CCDC186: variants seen among roughly 807,000 people sequenced by gnomAD.
The protein encoded by CCDC186 is coiled-coil domain-containing protein 186.
In CCDC186, 49 loss-of-function variants were observed where a neutral mutation model predicts 113.7. The observed-to-expected ratio is 0.43, with a 90% CI of 0.34 to 0.55. CCDC186 has a LOEUF of 0.55. Ranked by LOEUF, CCDC186 falls within the 20% of genes least tolerant of loss-of-function variation. CCDC186 has a pLI of 0.02. For missense variants in CCDC186, 890 were observed against 1,011.1 expected, an observed-to-expected ratio of 0.88 and a Z score of 1.62; for synonymous variants, 355 against 345.8, an observed-to-expected ratio of 1.03 and a Z score of -0.30.
chr10:114,168,527 C>T (rs972103186), intron 1 of CCDC186, among the ~76,000 whole-genome samples: 1 of 152,112 alleles, frequency 6.6e-6, no homozygotes, highest in African/African-American at 2.4e-5. Context: ...ATTTTTCAGA[C>T]CCTGCATTTT....
Position 114,162,791 on chromosome 10 carries a change from C to G in CCDC186, c.478G>C (p.Glu160Gln). 1 of 1,613,930 alleles carries G rather than the reference C, an allele frequency of 6.2e-7. No individual in the cohort carries two copies. The highest frequency in any genetic ancestry group is 1.7e-5 in the Admixed American group (1 of 60,002). Residue 160 changes from glutamate (E) to glutamine (Q), a missense_variant, in exon 2 of 16, where the codon GAG becomes CAG. Glu to Gln is a conservative substitution (Grantham distance 29). Transcript: ENST00000369287. The part of the protein sequence containing the change: ...ISKIKSVSAS[E>Q]DLLEEIESEL... ...GATTCTATTTCTTCCAACAAATCCT[C>G]TGATGCTGAAACGCTCTTTATTTTT...
chr10:114,134,064 A>G (rs143502551), intron 10 of CCDC186, among the ~76,000 whole-genome samples: 62 of 152,328 alleles, frequency 4.1e-4, no homozygotes, highest in African/African-American at 1.4e-3. Context: ...GATTCAGAGG[A>G]GTTTCTTCCA....
intron 4 of CCDC186, among the ~76,000 whole-genome samples, chr10:114,149,786 C>CAGGAAGGA (rs879496767): frequency 7.9e-4 from 38 of 48,130 alleles, no homozygotes; most frequent in Admixed American, 1.3e-3. Flanking sequence ...GGCAGGAAGG[C>CAGGAAGGA]AGGAAGGAAG....
chr10:114,170,528 G>A (rs908940265), intron 1 of CCDC186, among the ~76,000 whole-genome samples: 1 of 151,470 alleles, frequency 6.6e-6, no homozygotes, highest in African/African-American at 2.4e-5. Flanking sequence ...TTGCTATGTT[G>A]CCCAGGGTGA....
rs1482059281 is a variant in CCDC186 at position 114,174,072 on chromosome 10, G to A, written c.-119C>T. ...CAAGGCTGCTGGAGCTCTGGCTCAG[G>A]GGCCAACTTTTCCATAGCGGGGTCC... On this transcript the variant is annotated 5_prime_UTR_variant, in exon 1 of 16. Transcript: ENST00000369287. 4 of 472,152 alleles carry A rather than the reference G, an allele frequency of 8.5e-6. No homozygotes were observed. Among genetic ancestry groups the A allele is most frequent in the Non-Finnish European group, 1.8e-5 (4 of 227,056 alleles). The allele number at this position is 472,152 out of a possible 1,614,324, so 29.2% of individuals were successfully genotyped here.
At chr10:114,154,762 C>A (rs185700012) in intron 3 of CCDC186, among the ~76,000 whole-genome samples, 7 of 152,290 alleles carry the variant, frequency 4.6e-5, no homozygotes, top group South Asian at 4.1e-4. Flanking sequence ...AAAACTAGCA[C>A]GTGAATGTTC....
rs765950546 is a variant in CCDC186, at chr10:114,162,667, T to G, written c.602A>C (p.Lys201Thr). Residue 201 changes from lysine (K) to threonine (T), a missense_variant, in exon 2 of 16, where the codon AAA becomes ACA. Physicochemically the swap from Lys to Thr is moderately conservative, Grantham distance 78 (BLOSUM62 -1). Transcript: ENST00000369287. ...LVLFEKCVQD[K>T]YLQQEHIIKK... ...TATGATATGTTCCTGCTGCAAATAT[T>G]TATCTTGCACACACTTTTCAAACAG... 3.2e-5 allele frequency: 50 copies of G among 1,581,786 alleles called. No homozygotes were observed. Among genetic ancestry groups the G allele is most frequent in the Non-Finnish European group, 3.9e-5 (45 of 1,168,512 alleles).
rs761704772 is a variant in CCDC186 at position 114,125,867 on chromosome 10, G to A, written c.2613+19C>T. The A allele has an allele frequency of 3.1e-6, 5 of 1,600,762 alleles. No homozygotes were observed. Among genetic ancestry groups the A allele is most frequent in the Non-Finnish European group, 4.3e-6 (5 of 1,168,260 alleles). On this transcript the variant is annotated intron_variant, in intron 15 of 15. Coordinates refer to ENST00000369287, the MANE Select transcript of CCDC186 (RefSeq NM_018017.4). ...TTGCCATGTTTACTGGTTGGTGTGT[G>A]AATGAGAAACACAAATACCTTCAAA...
Position 114,157,680 on chromosome 10 carries a change from C to G in CCDC186, c.633G>C (p.Lys211Asn). The G allele has an allele frequency of 1.9e-6, 3 of 1,576,670 alleles. No homozygotes were observed. The South Asian group carries it at 3.5e-5, about 18-fold the overall frequency. ...KYLQQEHIIK[K>N]LIKENKKHQE... is the part of the protein sequence containing the mutation. ...GATGCTTCTTATTTTCTTTAATTAACCTAAATATAAAAAGGGCAGTGTATG... is the reference window on the plus strand; with the variant it reads ...GATGCTTCTTATTTTCTTTAATTAAGCTAAATATAAAAAGGGCAGTGTATG... Residue 211 changes from lysine (K) to asparagine (N), a missense_variant and splice_region_variant, in exon 3 of 16, where the codon AAG becomes AAC. Coordinates refer to ENST00000369287, the MANE Select transcript of CCDC186 (RefSeq NM_018017.4).
chr10:114,148,947 A>G (rs958622564), intron 4 of CCDC186, among the ~76,000 whole-genome samples: 6 of 152,278 alleles, frequency 3.9e-5, no homozygotes, highest in African/African-American at 1.4e-4. Flanking sequence ...CCTATTTTTA[A>G]ACAAAACTTA....
chr10:114,160,943 A>G (rs913365151), intron 2 of CCDC186, among the ~76,000 whole-genome samples: 7 of 152,236 alleles, frequency 4.6e-5, no homozygotes, highest in African/African-American at 1.4e-4. Flanking sequence ...CAGTTCCATC[A>G]GGTAAGTATT....
chr10:114,126,306 CAT>C (rs2030898925), intron 14 of CCDC186, among the ~76,000 whole-genome samples: 1 of 152,148 alleles, frequency 6.6e-6, no homozygotes, highest in African/African-American at 2.4e-5. Flanking sequence ...GGAGTAAAGA[CAT>C]ATAAACATTG....
intron 6 of CCDC186, 31 bp downstream of exon 6, chr10:114,144,466 A>C: frequency 6.3e-7 from 1 of 1,576,952 alleles, no homozygotes; most frequent in Non-Finnish European, 8.6e-7. Context: ...AACTCATTCT[A>C]ATCATTATTC....
Position 114,129,922 on chromosome 10 carries a change from G to A in CCDC186, c.2151C>T (p.Val717=). Residue 717 remains valine (V), a synonymous_variant, in exon 13 of 16, where the codon GTC becomes GTT. Transcript: ENST00000369287. ...AACTAGAACGACTTCCCATGCTGCT[G>A]ACTTCTTTGTCATAGCTTCCACTCT... ...QVESGSYDKE[V]SSMGSRSSSS... 6.2e-7 allele frequency: 1 copy of A among 1,613,620 alleles called. No homozygotes were observed.
chr10:114,156,371 T>C (rs986376785), intron 3 of CCDC186, among the ~76,000 whole-genome samples: 9 of 152,246 alleles, frequency 5.9e-5, no homozygotes, highest in African/African-American at 1.9e-4. Flanking sequence ...GCAACTCAGC[T>C]TTCCTATTAG....
intron 3 of CCDC186, among the ~76,000 whole-genome samples, chr10:114,151,767 T>C (rs1243941255): frequency 6.6e-6 from 1 of 152,214 alleles, no homozygotes; most frequent in East Asian, 1.9e-4. Context: ...GCAGCAACAC[T>C]TAGCCCTTAA....
chr10:114,136,925 C>CTTTGGG, intron 7 of CCDC186, among the ~76,000 whole-genome samples: 1 of 151,952 alleles, frequency 6.6e-6, no homozygotes, highest in Admixed American at 6.6e-5. Flanking sequence ...GAGACCAGCC[C>CTTTGGG]AGCCAACATA....
At chr10:114,149,352 G>A (rs2031740052) in intron 4 of CCDC186, among the ~76,000 whole-genome samples, 1 of 151,980 alleles carries the variant, frequency 6.6e-6, no homozygotes, top group South Asian at 2.1e-4. Context: ...AAAAACACAA[G>A]AATCTATGCA....
At chr10:114,136,918 A>T (rs2031279750) in intron 7 of CCDC186, among the ~76,000 whole-genome samples, 1 of 152,072 alleles carries the variant, frequency 6.6e-6, no homozygotes, top group Admixed American at 6.5e-5. Context: ...GGAGTTCGAG[A>T]CCAGCCCAGC....
Sources: allele counts gnomAD v4.1 joint callset (sites outside exome capture counted in the v4.1 genomes callset), GRCh38; gene constraint gnomAD v4.1.1; transcripts MANE v1.5; gene names NCBI Gene and HGNC (gene_info 2026-07-23, HGNC 2026-07-21).